The following MORC2 variants were observed in gnomAD, a reference collection of about 807,000 sequenced individuals.
MORC2 encodes MORC family CW-type zinc finger 2.
In MORC2, 30 loss-of-function variants were observed where a neutral mutation model predicts 136.0. That is an observed-to-expected ratio of 0.22 (90% CI 0.17 to 0.30). The LOEUF is 0.30. MORC2 is among the 10% of genes least tolerant of loss of function. MORC2 has a pLI of 1.00. For synonymous variants in MORC2, 439 were observed against 487.0 expected (o/e 0.90, Z 1.30); for missense variants, 922 against 1,333.1 (o/e 0.69, Z 4.80).
Position 30,934,999 on chromosome 22 carries a change from G to C in MORC2, c.1975C>G (p.Arg659Gly), listed in dbSNP as rs781527357. ...AGCCTAGATGTGCTGGCCTCCTCCC[G>C]GGCTGCCAAAGCAGGGAGCTTTGGG... ...STPKLPALAA[R>G]EEASTSRLLQ... The change falls in exon 19 of 26, where the codon CGG becomes GGG. Residue 659 changes from arginine to glycine, a missense_variant. Arg to Gly is a moderately radical substitution (Grantham distance 125). Transcript: ENST00000397641. This position sits in a 1 kb window ranked among gnomAD's most constrained non-coding sequence, Gnocchi z 4.4. 3 of 1,613,972 alleles carry C rather than the reference G, an allele frequency of 1.9e-6. No homozygotes were observed. Among genetic ancestry groups the C allele is most frequent in the African/African-American group, 2.7e-5 (2 of 74,868 alleles).
chr22:30,967,576 A>G (rs985067537), intron 1 of MORC2: 1 of 1,321,782 alleles, frequency 7.6e-7, no homozygotes, highest in African/African-American at 1.5e-5. Flanking sequence ...TTGACTTCAA[A>G]TAACTAAAGT....
rs1158644986 is a variant in MORC2, at chr22:30,932,965, C to T, written c.2446G>A (p.Glu816Lys). The change falls in exon 22 of 26, where the codon GAG becomes AAG. Residue 816 changes from glutamate (E) to lysine (K), a missense_variant. Coordinates refer to ENST00000397641, the MANE Select transcript of MORC2 (RefSeq NM_001303256.3). This position sits in a 1 kb window ranked among gnomAD's most constrained non-coding sequence, Gnocchi z 4.4. The stretch of plus-strand genomic sequence containing the variant: ...CACCGCACCACATGCTTGCCCACCT[C>T]CACGGCTGTGACACGGCCCGTGTAC... ...EWYTGRVTAV[E>K]VGKHVVRWKV... is the part of the protein sequence containing the mutation. The T allele has an allele frequency of 6.2e-7, 1 of 1,614,170 alleles. No homozygotes were observed. Among genetic ancestry groups the T allele is most frequent in the South Asian group, 1.1e-5 (1 of 91,084 alleles).
At chr22:30,942,685 G>A (rs1248298813) in intron 6 of MORC2, among the ~76,000 whole-genome samples, 1 of 151,986 alleles carries the variant, frequency 6.6e-6, no homozygotes, top group East Asian at 1.9e-4. Context: ...AGAAACTTTT[G>A]TACATATGTA....
At chr22:30,943,614 T>C (rs1602493133) in intron 6 of MORC2, among the ~76,000 whole-genome samples, 2 of 152,244 alleles carry the variant, frequency 1.3e-5, no homozygotes, top group Admixed American at 6.5e-5. Context: ...GGATTTCCTC[T>C]GCAGAGCAGG....
chr22:30,927,654 G>A (rs1265625027), intron 25 of MORC2, among the ~76,000 whole-genome samples: 2 of 152,224 alleles, frequency 1.3e-5, no homozygotes, highest in Non-Finnish European at 1.5e-5. Context: ...CACAGAGCAG[G>A]CCCTCATGCT....
In MORC2 at chr22:30,946,422, A is replaced by G; in HGVS notation, c.345T>C (p.Phe115=). The G allele has an allele frequency of 6.2e-7, 1 of 1,610,816 alleles. No homozygotes were observed. The highest frequency in any genetic ancestry group is 8.5e-7 in the Non-Finnish European group (1 of 1,178,408). ...KSGSMRIGKD[F]ILFTKKEDTM... is the part of the protein sequence containing the mutation. ...TGTCTTCCTTCTTGGTGAACAGGATAAAATCCTTCCCAATGCGCATTGAGC... is the reference window on the plus strand; with the variant it reads ...TGTCTTCCTTCTTGGTGAACAGGATGAAATCCTTCCCAATGCGCATTGAGC... Residue 115 remains phenylalanine, a synonymous_variant, in exon 6 of 26, where the codon TTT becomes TTC. Coordinates refer to ENST00000397641, the MANE Select transcript of MORC2 (RefSeq NM_001303256.3).
chr22:30,946,546 T>A, intron 5 of MORC2, 97 bp from the exon 6 acceptor site: 1 of 1,087,752 alleles, frequency 9.2e-7, no homozygotes, highest in Non-Finnish European at 1.3e-6. Flanking sequence ...AAAGTGCCAC[T>A]GGAGGGCTCT....
Position 30,950,437 on chromosome 22 carries a change from C to T in MORC2, c.166G>A (p.Glu56Lys). ...TRIDIYAERR[E>K]DLRGGFMLCF... ...AGCATAAATCCTCCTCGAAGGTCCT[C>T]TCGTCTTTCTGTAAAAGAAGCAGCT... The change falls in exon 4 of 26, where the codon GAG becomes AAG. Residue 56 changes from glutamate (E) to lysine (K), a missense_variant. Around this residue, in one of 9 missense-constraint regions of MORC2, gnomAD observed 57 missense variants for 71.8 expected, o/e 0.79. Transcript: ENST00000397641. 6.2e-7 allele frequency: 1 copy of T among 1,609,522 alleles called. No individual in the cohort carries two copies. The highest frequency in any genetic ancestry group is 1.7e-4 in the Middle Eastern group (1 of 6,044).
At chr22:30,957,228 A>G (rs1233002492) in intron 2 of MORC2, among the ~76,000 whole-genome samples, 1 of 152,270 alleles carries the variant, frequency 6.6e-6, no homozygotes, top group African/African-American at 2.4e-5. Context: ...GAAGACAATA[A>G]TCTCCCACAA....
intron 9 of MORC2, 71 bp from the exon 10 acceptor site, chr22:30,940,908 G>C (rs1319226949): frequency 1.5e-6 from 2 of 1,292,346 alleles, no homozygotes; most frequent in African/African-American, 2.9e-5. Flanking sequence ...AGCACAGGAA[G>C]CACCCTGCCT....
chr22:30,940,975 C>T (rs2040734873), intron 9 of MORC2, 138 bp from the exon 10 acceptor site: 2 of 757,144 alleles, frequency 2.6e-6, no homozygotes, highest in Admixed American at 4.1e-5. Context: ...CAAATCCAAG[C>T]TCAATTCAGC....
chr22:30,931,523 GAC>G (rs1218510692), intron 24 of MORC2, among the ~76,000 whole-genome samples: 1 of 152,198 alleles, frequency 6.6e-6, no homozygotes, highest in Non-Finnish European at 1.5e-5. Flanking sequence ...GGGGATTCAA[GAC>G]ACATCAGATC....
At chr22:30,939,035 G>C (rs549553816) in intron 12 of MORC2, among the ~76,000 whole-genome samples, 1 of 152,260 alleles carries the variant, frequency 6.6e-6, no homozygotes, top group African/African-American at 2.4e-5. Flanking sequence ...GTGCCAAGGA[G>C]GCCAACAAGA....
intron 1 of MORC2, among the ~76,000 whole-genome samples, chr22:30,960,778 G>A (rs1373336436): frequency 4.8e-5 from 6 of 124,842 alleles, no homozygotes; most frequent in East Asian, 5.0e-4. Context: ...GCCATAAGCC[G>A]CCACACCCGG....
At chr22:30,933,089 TG>T in intron 21 of MORC2, 59 bp from the exon 22 acceptor site, 3 of 1,600,970 alleles carry the variant, frequency 1.9e-6, no homozygotes, top group Non-Finnish European at 2.6e-6. Context: ...TCACTTGGCC[TG>T]GGCCACATCG....
chr22:30,955,369 G>A (rs1294679197), intron 3 of MORC2, among the ~76,000 whole-genome samples: 2 of 152,122 alleles, frequency 1.3e-5, no homozygotes, highest in Non-Finnish European at 2.9e-5. Flanking sequence ...CTTTGGCAGA[G>A]CCTTTTGAAC....
intron 1 of MORC2, 194 bp downstream of exon 1, chr22:30,967,628 T>A (rs1179813718): frequency 7.3e-7 from 1 of 1,370,416 alleles, no homozygotes; most frequent in East Asian, 2.8e-5. Flanking sequence ...AAAATCAGAT[T>A]CTTCTGGATT....
chr22:30,966,467 A>C (rs1391025320), intron 1 of MORC2, among the ~76,000 whole-genome samples: 1 of 152,244 alleles, frequency 6.6e-6, no homozygotes, highest in Non-Finnish European at 1.5e-5. Flanking sequence ...CTTAAGTGTT[A>C]GAATTCAACC....
chr22:30,943,287 A>G (rs1477376985), intron 6 of MORC2, among the ~76,000 whole-genome samples: 1 of 152,260 alleles, frequency 6.6e-6, no homozygotes, highest in African/African-American at 2.4e-5. Flanking sequence ...CATTATCACA[A>G]AAGTTACCTG....
Sources: gnomAD v4.1 joint callset for allele counts (sites outside exome capture counted in the v4.1 genomes callset) on GRCh38, gnomAD v4.1.1 for gene constraint, gnomAD v4.1.1 regional missense constraint, Gnocchi (gnomAD v3.1) non-coding constraint, MANE v1.5 for transcripts, NCBI Gene and HGNC (gene_info 2026-07-23, HGNC 2026-07-21) for gene names.